Variants in ADAR observed in about 807,000 individuals in gnomAD.
ADAR encodes the protein double-stranded RNA-specific adenosine deaminase.
ADAR carries 41 observed loss-of-function variants against 113.2 expected under a neutral mutation model. The ratio of observed to expected loss-of-function variants is 0.36; its 90% CI spans 0.28 to 0.47. The LOEUF (loss-of-function observed/expected upper bound fraction) is 0.47. Ranked by LOEUF, ADAR falls within the 20% of genes least tolerant of loss-of-function variation. The pLI is 1.00. For synonymous variants in ADAR, 605 were observed against 572.6 expected (o/e 1.06, Z -0.81); for missense variants, 1,242 against 1,540.9 (o/e 0.81, Z 3.25).
Position 154,585,800 on chromosome 1 carries a change from C to T in ADAR, c.3268G>A (p.Ala1090Thr), listed in dbSNP as rs777053148. The T allele has an allele frequency of 6.2e-7, 1 of 1,614,048 alleles. No homozygotes were observed. The highest frequency in any genetic ancestry group is 1.7e-5 in the Admixed American group (1 of 60,026). Residue 1090 changes from alanine (A) to threonine (T), a missense_variant, in exon 13 of 15, where the codon GCA becomes ACA. Ala to Thr is a moderately conservative substitution (Grantham distance 58). Transcript: ENST00000368474. Reference protein sequence around the residue: ...ICCRVTRDGSAFEDGLRHPFI... With the variant: ...ICCRVTRDGSTFEDGLRHPFI... The stretch of plus-strand genomic sequence containing the variant: ...GGATGTCGTAGTCCATCCTCAAATG[C>T]ACTCCCATCTCTTGTCACACGACAG...
At chr1:154,596,653 T>A in intron 6 of ADAR, 152 bp downstream of exon 6, 1 of 805,524 alleles carries the variant, frequency 1.2e-6, no homozygotes, top group South Asian at 1.5e-5. Flanking sequence ...GCAGGTCTAT[T>A]GTCTTCTAAG....
In ADAR at chr1:154,597,070, AC is replaced by A. The variant is rs910355936; in HGVS notation, c.2079+52del. On this transcript the variant is annotated intron_variant, in intron 5 of 14. Coordinates refer to ENST00000368474, the MANE Select transcript of ADAR (RefSeq NM_001111.5). ...TTGAGGGAGTCACTGGCAATCTTAA[AC>A]CACTCAGTTGCTAAAAATGACCTGT... 3.7e-6 allele frequency: 6 copies of A among 1,614,008 alleles called. No individual in the cohort carries two copies. In the African/African-American group the frequency reaches 8.0e-5, roughly 22 times the overall value.
rs1041022585 is a variant in ADAR at position 154,584,059 on chromosome 1, C to G, written c.*747G>C. 2.6e-5 allele frequency: 4 copies of G among 152,282 alleles called. No individual in the cohort carries two copies. The highest frequency in any genetic ancestry group is 9.6e-5 in the African/African-American group (4 of 41,452). The allele number at this position is 152,282 out of a possible 1,614,324, so 9.4% of individuals were successfully genotyped here. On this transcript the variant is annotated 3_prime_UTR_variant, in exon 15 of 15. Transcript: ENST00000368474. ...AACCTCTGCTATTGCTTGAGCAGCT[C>G]CCTTAACCCAGTCTGGCTGGTTCTA...
upstream of ADAR, among the ~76,000 whole-genome samples, chr1:154,608,492 C>CTTT (rs67463447): frequency 0.01 from 681 of 65,736 alleles, 60 homozygotes; most frequent in East Asian, 0.12. Context: ...TCACTCCTGG[C>CTTT]TTTTTTTTTT....
intron 1 of ADAR, among the ~76,000 whole-genome samples, chr1:154,607,440 C>G (rs1486719097): frequency 1.3e-5 from 2 of 152,158 alleles, no homozygotes; most frequent in African/African-American, 4.8e-5. Context: ...TTTTAACTCC[C>G]AGAAGGCCTT....
At chr1:154,622,783 G>C (rs763194098) in intron 1 of ADAR, among the ~76,000 whole-genome samples, 5 of 152,328 alleles carry the variant, frequency 3.3e-5, no homozygotes, top group Non-Finnish European at 5.9e-5. Flanking sequence ...CATAATGCCA[G>C]TGTTTTCTTC....
At chr1:154,619,702 CATGTAAATAACTGACTAGA>C in intron 1 of ADAR, among the ~76,000 whole-genome samples, 1 of 152,156 alleles carries the variant, frequency 6.6e-6, no homozygotes, top group Non-Finnish European at 1.5e-5. Context: ...TGGGAACAGA[CATGTAAATAACTGACTAGA>C]ACATGTAATA....
intron 12 of ADAR, 25 bp from the exon 13 acceptor site, chr1:154,585,890 T>C (rs1427595665): frequency 1.9e-5 from 30 of 1,582,766 alleles, no homozygotes; most frequent in Non-Finnish European, 2.6e-5. Context: ...GAGAAACATA[T>C]ATACCTGTGT....
intron 3 of ADAR, 104 bp downstream of exon 3, chr1:154,598,298 C>T (rs1039362591): frequency 2.3e-6 from 3 of 1,306,368 alleles, no homozygotes; most frequent in African/African-American, 2.9e-5. Context: ...AAGCTGACTC[C>T]GAGATGGTGT....
rs552926126 is a variant in ADAR at position 154,588,168 on chromosome 1, G to C, written c.2976C>G (p.Phe992Leu). 1 of 1,614,096 alleles carries C rather than the reference G, an allele frequency of 6.2e-7. No individual in the cohort carries two copies. The highest frequency in any genetic ancestry group is 1.7e-5 in the Admixed American group (1 of 60,022). ...ESTESRHYPV[F>L]ENPKQGKLRT... The stretch of plus-strand genomic sequence containing the variant: ...GGAGCTTTCCTTGTTTGGGATTCTC[G>C]AAGACAGGGTAGTGGCGGGATTCTG... Residue 992 changes from phenylalanine (F) to leucine (L), a missense_variant, in exon 11 of 15, where the codon TTC becomes TTG. By Grantham distance (22) the Phe-to-Leu change is conservative. This residue lies in a region of ADAR where 780 missense variants were observed against 1,057.9 expected (regional missense o/e 0.74). Coordinates refer to ENST00000368474, the MANE Select transcript of ADAR (RefSeq NM_001111.5).
At chr1:154,589,262 AC>A (rs1181646556) in intron 9 of ADAR, 106 bp downstream of exon 9, 3 of 872,080 alleles carry the variant, frequency 3.4e-6, no homozygotes, top group Non-Finnish European at 5.8e-6. Context: ...CCACATCATG[AC>A]CCGTCTGTCT....
exon 1 of ADAR, chr1:154,627,962 G>A (rs752285086): frequency 6.0e-6 from 3 of 500,154 alleles, no homozygotes; most frequent in African/African-American, 2.2e-5. Context: ...ACCTTCAGTC[G>A]GGAATCAATG....
At position 154,590,214 on chromosome 1, in the gene ADAR, G is replaced by A. The variant is rs548820198; in HGVS notation, c.2466C>T (p.Leu822=). ...TTGGCTGTGCTTCTGGGGACCTTGA[G>A]AGGAGGAGCATAGTTCTTCTGAGAC... ...GASLRRTMLL[L]SRSPEAQPKT... is the part of the protein sequence containing the mutation. Residue 822 remains leucine, a synonymous_variant, in exon 7 of 15, where the codon CTC becomes CTT. Transcript: ENST00000368474. 1.2e-6 allele frequency: 2 copies of A among 1,612,766 alleles called. No homozygotes were observed. The highest frequency in any genetic ancestry group is 1.3e-5 in the African/African-American group (1 of 74,330).
rs1696628642 is a variant in ADAR, at chr1:154,584,703, AAGG to A, written c.*100_*102del. ...CAATTATGGCTTAAAAAGAAAAAAA[AAGG>A]AGAAAAAAAAATCCCCTGACCATGT... On this transcript the variant is annotated 3_prime_UTR_variant, in exon 15 of 15. Transcript: ENST00000368474. 5.6e-6 allele frequency: 6 copies of A among 1,064,904 alleles called. No homozygotes were observed. The highest frequency in any genetic ancestry group is 1.4e-5 in the South Asian group (1 of 70,384). 66.0% of individuals were successfully genotyped at this position (1,064,904 alleles called of 1,614,324 possible).
At chr1:154,607,881 A>C (rs1008414096) in intron 1 of ADAR, 111 bp downstream of exon 1, 1 of 1,539,410 alleles carries the variant, frequency 6.5e-7, no homozygotes, top group African/African-American at 1.4e-5. Context: ...CGACACACAC[A>C]CACACACTCT....
rs1697894990 is a variant in ADAR at position 154,601,744 on chromosome 1, T to C, written c.898A>G (p.Lys300Glu). ...PLEFLDMAEI[K>E]EKICDYLFNV... Reference sequence around the variant, plus strand: ...AAGAGATAGTCGCAGATTTTCTCCTTGATCTCGGCCATGTCTAAAAACTCA... The same window carrying C: ...AAGAGATAGTCGCAGATTTTCTCCTCGATCTCGGCCATGTCTAAAAACTCA... Residue 300 changes from lysine (K) to glutamate (E), a missense_variant, in exon 2 of 15, where the codon AAG becomes GAG. Transcript: ENST00000368474. This position sits in a 1 kb window ranked among gnomAD's most constrained non-coding sequence, Gnocchi z 4.7. 1 of 1,614,238 alleles carries C rather than the reference T, an allele frequency of 6.2e-7. No homozygotes were observed.
chr1:154,585,373 G>A, intron 13 of ADAR, 29 bp from the exon 14 acceptor site: 1 of 1,613,962 alleles, frequency 6.2e-7, no homozygotes, highest in Non-Finnish European at 8.5e-7. Context: ...ACGGGAGAAA[G>A]ATGGAAACCT....
At chr1:154,607,749 A>G (rs1243134610) in intron 1 of ADAR, among the ~76,000 whole-genome samples, 5 of 150,376 alleles carry the variant, frequency 3.3e-5, no homozygotes, top group Admixed American at 2.0e-4. Flanking sequence ...ACACACACAC[A>G]CACTCTCACA....
Position 154,598,429 on chromosome 1 carries a change from G to A in ADAR, c.1758C>T (p.His586=), listed in dbSNP as rs767799995. The part of the protein sequence containing the change: ...KDSGKSEESS[H]YSTEKESEKT... ...TCTCTGATTCTTTCTCTGTGGAATA[G>A]TGGGATGATTCTTCTGATTTTCCAC... Residue 586 remains histidine, a synonymous_variant, in exon 3 of 15, where the codon CAC becomes CAT. Coordinates refer to ENST00000368474, the MANE Select transcript of ADAR (RefSeq NM_001111.5). The A allele has an allele frequency of 6.2e-7, 1 of 1,614,188 alleles. No homozygotes were observed. Among genetic ancestry groups the A allele is most frequent in the Non-Finnish European group, 8.5e-7 (1 of 1,180,032 alleles).
Sources: gnomAD v4.1 joint callset for allele counts (sites outside exome capture counted in the v4.1 genomes callset) on GRCh38, gnomAD v4.1.1 for gene constraint, gnomAD v4.1.1 regional missense constraint, Gnocchi (gnomAD v3.1) non-coding constraint, MANE v1.5 for transcripts, NCBI Gene and HGNC (gene_info 2026-07-23, HGNC 2026-07-21) for gene names.